DR1: variants seen among roughly 807,000 people sequenced by gnomAD.
DR1 encodes protein Dr1.
A neutral mutation model predicts 19.9 loss-of-function variants in DR1; 7 were observed. That is an observed-to-expected ratio of 0.35 (90% CI 0.20 to 0.66). DR1 has a LOEUF of 0.66. Among genes scored for constraint, DR1 ranks in the 30% least tolerant of loss-of-function variants. The pLI, the probability that DR1 is intolerant of heterozygous loss-of-function variation, is 0.66. For missense variants in DR1, 98 were observed against 203.7 expected, an observed-to-expected ratio of 0.48 and a Z score of 3.16; for synonymous variants, 76 against 72.5, an observed-to-expected ratio of 1.05 and a Z score of -0.24.
chr1:93,368,892 C>T lies in DR1; in HGVS notation c.*8253C>T, dbSNP rs1667201036. 1 of 152,018 alleles carries T rather than the reference C, an allele frequency of 6.6e-6. No individual in the cohort carries two copies. Among genetic ancestry groups the T allele is most frequent in the South Asian group, 2.1e-4 (1 of 4,816 alleles). 9.4% of individuals were successfully genotyped at this position (152,018 alleles called of 1,614,324 possible). On this transcript the variant is annotated 3_prime_UTR_variant, in exon 3 of 3. Transcript: ENST00000370272. ...TTCCAAGAAATTAAGTACTGTTGGC[C>T]CTCTGTGTCTGGGGGTTCCACATCT...
intron 1 of DR1, 62 bp from the exon 2 acceptor site, chr1:93,353,846 A>T (rs1194494949): frequency 7.2e-7 from 1 of 1,398,270 alleles, no homozygotes; most frequent in Non-Finnish European, 9.6e-7. Flanking sequence ...CTTTAGGTCT[A>T]CGGGTTGGGG....
chr1:93,346,613 T>A lies in DR1; in HGVS notation c.-33T>A. ...TAGTGGACCAGAGCTGGGGAGTTTT[T>A]AAAAGCCGGGGCGCGAGAAACAGGA... On this transcript the variant is annotated 5_prime_UTR_variant, in exon 1 of 3. Transcript: ENST00000370272. 2 of 1,599,344 alleles carry A rather than the reference T, an allele frequency of 1.3e-6. No individual in the cohort carries two copies. The highest frequency in any genetic ancestry group is 1.7e-6 in the Non-Finnish European group (2 of 1,168,732).
chr1:93,357,186 G>A (rs965855390), intron 2 of DR1, among the ~76,000 whole-genome samples: 9 of 152,132 alleles, frequency 5.9e-5, no homozygotes, highest in African/African-American at 2.2e-4. Context: ...AATTTCCTAA[G>A]CAAAATGAAG....
chr1:93,349,114 A>G (rs189660289), intron 1 of DR1, among the ~76,000 whole-genome samples: 1 of 152,114 alleles, frequency 6.6e-6, no homozygotes, highest in Non-Finnish European at 1.5e-5. Context: ...TTAATGAATT[A>G]GACTTTGCTT....
intron 2 of DR1, chr1:93,355,569 T>C (rs1666970524): frequency 1.3e-5 from 2 of 152,248 alleles, no homozygotes; most frequent in South Asian, 4.1e-4. Flanking sequence ...CTTAAACTTA[T>C]TATGGGGCTT....
rs1667039914 is a variant in DR1, at chr1:93,360,586, G to GC, written c.479dup (p.Ser161IlefsTer2). On this transcript the variant is annotated frameshift_variant, in exon 3 of 3. Transcript: ENST00000370272. LOFTEE classifies it high-confidence loss of function. ...CCAGCTTGCTGCTGCCTCAGCCAGT[G>GC]CATCTAATCAGGCGGGATCTTCTCA... 1 of 1,595,440 alleles carries GC rather than the reference G, an allele frequency of 6.3e-7. No individual in the cohort carries two copies. The highest frequency in any genetic ancestry group is 1.4e-5 in the African/African-American group (1 of 73,426).
intron 2 of DR1, among the ~76,000 whole-genome samples, chr1:93,357,190 A>C (rs1278128691): frequency 6.6e-6 from 1 of 152,186 alleles, no homozygotes; most frequent in African/African-American, 2.4e-5. Flanking sequence ...TCCTAAGCAA[A>C]ATGAAGTTTT....
chr1:93,361,352 C>G lies in DR1; in HGVS notation c.*713C>G, dbSNP rs1667049642. On this transcript the variant is annotated 3_prime_UTR_variant, in exon 3 of 3. Coordinates refer to ENST00000370272, the MANE Select transcript of DR1 (RefSeq NM_001938.3). ...TCCACTATGACATTTCAAAGACTGC[C>G]CAGTTTGGAAGTCTGTCATGATTTT... The G allele has an allele frequency of 6.6e-6, 1 of 152,332 alleles. No homozygotes were observed. Among genetic ancestry groups the G allele is most frequent in the South Asian group, 2.1e-4 (1 of 4,822 alleles). The allele number at this position is 152,332 out of a possible 1,614,324, so 9.4% of individuals were successfully genotyped here. A position where few individuals can be genotyped will look rare whatever the true frequency, so the allele number is the denominator to read the frequency against.
Position 93,366,375 on chromosome 1 carries a change from T to G in DR1, c.*5736T>G, listed in dbSNP as rs1667129420. On this transcript the variant is annotated 3_prime_UTR_variant, in exon 3 of 3. Coordinates refer to ENST00000370272, the MANE Select transcript of DR1 (RefSeq NM_001938.3). ...GTGAACGTGGGTATACAAATAACTGTTTGAGTCCTAATAGGCTTGTTATTT... is the reference window on the plus strand; with the variant it reads ...GTGAACGTGGGTATACAAATAACTGGTTGAGTCCTAATAGGCTTGTTATTT... 1 of 152,324 alleles carries G rather than the reference T, an allele frequency of 6.6e-6. No homozygotes were observed. Among genetic ancestry groups the G allele is most frequent in the Non-Finnish European group, 1.5e-5 (1 of 68,024 alleles). The allele number at this position is 152,324 out of a possible 1,614,324, so 9.4% of individuals were successfully genotyped here.
chr1:93,353,832 A>G, intron 1 of DR1, 76 bp from the exon 2 acceptor site: 1 of 1,259,090 alleles, frequency 7.9e-7, no homozygotes. Context: ...AAAGCCCACA[A>G]AAACTTTAGG....
intron 1 of DR1, among the ~76,000 whole-genome samples, chr1:93,350,561 G>A (rs2101635697): frequency 6.6e-6 from 1 of 152,280 alleles, no homozygotes; most frequent in Non-Finnish European, 1.5e-5. Context: ...TTCATGTTAT[G>A]ACAGAACCTT....
At chr1:93,358,477 T>C (rs1359802373) in intron 2 of DR1, among the ~76,000 whole-genome samples, 1 of 152,142 alleles carries the variant, frequency 6.6e-6, no homozygotes, top group Non-Finnish European at 1.5e-5. Context: ...GCGGTTTGCA[T>C]TTTCTCTAAT....
At chr1:93,359,041 C>T (rs1267236136) in intron 2 of DR1, among the ~76,000 whole-genome samples, 1 of 151,932 alleles carries the variant, frequency 6.6e-6, no homozygotes, top group African/African-American at 2.4e-5. Flanking sequence ...GCACAAAGTA[C>T]ATGTTACAAA....
At chr1:93,352,584 G>A (rs779311857) in intron 1 of DR1, among the ~76,000 whole-genome samples, 1 of 152,206 alleles carries the variant, frequency 6.6e-6, no homozygotes, top group African/African-American at 2.4e-5. Flanking sequence ...GCATGGGCAT[G>A]TAGATTTGTA....
intron 2 of DR1, among the ~76,000 whole-genome samples, chr1:93,357,403 G>A (rs1344012599): frequency 6.6e-6 from 1 of 152,118 alleles, no homozygotes; most frequent in Admixed American, 6.5e-5. Flanking sequence ...TTACTCGGGA[G>A]ATGGAGGCAG....
In DR1 at chr1:93,364,287, G is replaced by C. The variant is rs1254538921; in HGVS notation, c.*3648G>C. The C allele has an allele frequency of 6.6e-6, 1 of 152,134 alleles. No homozygotes were observed. Among genetic ancestry groups the C allele is most frequent in the Non-Finnish European group, 1.5e-5 (1 of 68,006 alleles). 9.4% of individuals were successfully genotyped at this position (152,134 alleles called of 1,614,324 possible). A position where few individuals can be genotyped will look rare whatever the true frequency, so the allele number is the denominator to read the frequency against. On this transcript the variant is annotated 3_prime_UTR_variant, in exon 3 of 3. Transcript: ENST00000370272. ...ACACATTAGTATTACATACTCATTA[G>C]GTTATTGCTCCTTAGAAAAAATGCA...
At chr1:93,348,687 A>G (rs1666882075) in intron 1 of DR1, among the ~76,000 whole-genome samples, 1 of 152,148 alleles carries the variant, frequency 6.6e-6, no homozygotes, top group Non-Finnish European at 1.5e-5. Context: ...AAGCATTTCC[A>G]TTGTGTAATG....
intron 2 of DR1, among the ~76,000 whole-genome samples, 185 bp downstream of exon 2, chr1:93,354,256 G>T (rs1666951876): frequency 6.6e-6 from 1 of 152,076 alleles, no homozygotes; most frequent in Non-Finnish European, 1.5e-5. Flanking sequence ...GCAGCAATCT[G>T]TTCTAAAGAG....
Position 93,368,169 on chromosome 1 carries a change from G to C in DR1, c.*7530G>C, listed in dbSNP as rs1667189729. On this transcript the variant is annotated 3_prime_UTR_variant, in exon 3 of 3. Transcript: ENST00000370272. ...AGTATTGATAGTCCAGTCATAGACT[G>C]GTAACACAGGCACACCATTAAAAAT... 1.3e-5 allele frequency: 2 copies of C among 152,164 alleles called. No individual in the cohort carries two copies. 9.4% of individuals were successfully genotyped at this position (152,164 alleles called of 1,614,324 possible).
Sources: gnomAD v4.1 joint callset for allele counts (sites outside exome capture counted in the v4.1 genomes callset) on GRCh38, gnomAD v4.1.1 for gene constraint, MANE v1.5 for transcripts, NCBI Gene and HGNC (gene_info 2026-07-23, HGNC 2026-07-21) for gene names.